Variants in ING5 observed in about 807,000 individuals in gnomAD.
ING5 encodes the protein inhibitor of growth family member 5, also known as inhibitor of growth protein 5.
A neutral mutation model predicts 37.4 loss-of-function variants in ING5; 17 were observed. That is an observed-to-expected ratio of 0.45 (90% CI 0.31 to 0.68). ING5 has a LOEUF of 0.68. ING5 is among the 30% of genes least tolerant of loss of function. The probability of loss-of-function intolerance (pLI) is 0.05; values close to 1 mark genes in which losing one functional copy is unlikely to be tolerated. For missense variants in ING5, 233 were observed against 311.9 expected (o/e 0.75, Z 1.91); for synonymous variants, 123 against 116.6 (o/e 1.06, Z -0.36).
At chr2:241,707,067 C>G (rs1431980544) in intron 2 of ING5, among the ~76,000 whole-genome samples, 1 of 148,174 alleles carries the variant, frequency 6.7e-6, no homozygotes, top group African/African-American at 2.5e-5. Flanking sequence ...TCAAGTGATT[C>G]TCCTGCCTCA....
At chr2:241,706,488 G>T (rs997044189) in intron 2 of ING5, among the ~76,000 whole-genome samples, 23 of 152,004 alleles carry the variant, frequency 1.5e-4, no homozygotes, top group Non-Finnish European at 2.8e-4. Flanking sequence ...AATTAGCCGG[G>T]TGTGGTGGCG....
intron 5 of ING5, among the ~76,000 whole-genome samples, chr2:241,716,746 TG>T (rs1476664691): frequency 6.6e-5 from 10 of 152,188 alleles, no homozygotes; most frequent in African/African-American, 2.4e-4. Context: ...TCACTTTGCC[TG>T]TGATCTGAGC....
intron 2 of ING5, among the ~76,000 whole-genome samples, chr2:241,707,072 G>A (rs181238361): frequency 6.7e-6 from 1 of 149,508 alleles, no homozygotes. Context: ...TGATTCTCCT[G>A]CCTCAGCCTC....
chr2:241,719,972 C>T lies in ING5; in HGVS notation c.483-2967C>T. On this transcript the variant is annotated intron_variant, in intron 5 of 7. Transcript: ENST00000313552. ...TGAATCTCTTTCTTCTCTGTGCCCC[C>T]AAGTGGCAGTGCTGCTCCTGTCCCA... 3.1e-6 allele frequency: 4 copies of T among 1,272,436 alleles called. No homozygotes were observed. The South Asian group carries it at 1.3e-4, about 41-fold the overall frequency. The allele number at this position is 1,272,436 out of a possible 1,614,324, so 78.8% of individuals were successfully genotyped here. A position where few individuals can be genotyped will look rare whatever the true frequency, so the allele number is the denominator to read the frequency against.
chr2:241,697,621 T>C (rs748609002), upstream of ING5, among the ~76,000 whole-genome samples: 14 of 152,018 alleles, frequency 9.2e-5, no homozygotes, highest in Non-Finnish European at 1.5e-4. Flanking sequence ...TACATGACAT[T>C]CTGGAAAAAG....
At chr2:241,714,401 GCTTT>G (rs1381200250) in intron 5 of ING5, among the ~76,000 whole-genome samples, 6 of 152,074 alleles carry the variant, frequency 3.9e-5, no homozygotes, top group African/African-American at 1.4e-4. Context: ...AAGTATTCAG[GCTTT>G]CTATTTCTTC....
upstream of ING5, among the ~76,000 whole-genome samples, chr2:241,699,091 C>G (rs1196812991): frequency 6.7e-6 from 1 of 150,238 alleles, no homozygotes; most frequent in Non-Finnish European, 1.5e-5. Context: ...ATGGCATGAC[C>G]TCAGCTGACT....
At chr2:241,709,684 G>A (rs2070046814) in intron 3 of ING5, among the ~76,000 whole-genome samples, 1 of 151,190 alleles carries the variant, frequency 6.6e-6, no homozygotes, top group South Asian at 2.1e-4. Context: ...TCAGCTCAGT[G>A]CAACCTCCGC....
chr2:241,687,149 G>T, exon 1 of ING5: 1 of 390,914 alleles, frequency 2.6e-6, no homozygotes, highest in Non-Finnish European at 4.5e-6. Context: ...AGGGTCGGAG[G>T]GGCTCCCGGA....
intron 1 of ING5, among the ~76,000 whole-genome samples, chr2:241,689,539 T>C (rs35445107): frequency 0.19 from 28,994 of 152,120 alleles, 2,937 homozygotes; most frequent in African/African-American, 0.27. Flanking sequence ...CCTCCCCTTC[T>C]GCCCCCAGCA....
chr2:241,720,768 G>A lies in ING5; in HGVS notation c.483-2171G>A, dbSNP rs113664325. ...GTGGTGCTGAAGGGAGTCAGCAGCC[G>A]CTGACAGTTGGGGTCACCCTGGCCT... On this transcript the variant is annotated intron_variant, in intron 5 of 7. Transcript: ENST00000313552. 2.9e-3 allele frequency: 2,893 copies of A among 985,520 alleles called. 73 individuals carry two copies. In the African/African-American group the frequency reaches 0.046, roughly 16 times the overall value. The allele number at this position is 985,520 out of a possible 1,614,324, so 61.0% of individuals were successfully genotyped here. A position where few individuals can be genotyped will look rare whatever the true frequency, so the allele number is the denominator to read the frequency against.
At chr2:241,710,470 A>G (rs1438469182) in intron 3 of ING5, among the ~76,000 whole-genome samples, 1 of 149,128 alleles carries the variant, frequency 6.7e-6, no homozygotes, top group East Asian at 2.0e-4. Context: ...CAACAGGCTA[A>G]TTTTTGTTTT....
chr2:241,725,156 G>T lies in ING5; in HGVS notation c.*125G>T. The T allele has an allele frequency of 9.9e-7, 1 of 1,008,066 alleles. No individual in the cohort carries two copies. Among genetic ancestry groups the T allele is most frequent in the South Asian group, 1.4e-5 (1 of 72,434 alleles). The allele number at this position is 1,008,066 out of a possible 1,614,324, so 62.4% of individuals were successfully genotyped here. On this transcript the variant is annotated 3_prime_UTR_variant, in exon 8 of 8. Coordinates refer to ENST00000313552, the MANE Select transcript of ING5 (RefSeq NM_032329.6). The stretch of plus-strand genomic sequence containing the variant: ...CTTAGTAACTCCGTGGCCAGTTGAA[G>T]CGCTGGATGTTTCCTAGAACAAGAA...
exon 1 of ING5, chr2:241,687,583 G>T (rs1216157658): frequency 8.2e-6 from 3 of 364,356 alleles, no homozygotes; most frequent in Non-Finnish European, 1.5e-5. Flanking sequence ...GCTGGAGTGC[G>T]GTGGCGCGAT....
intron 1 of ING5, among the ~76,000 whole-genome samples, chr2:241,702,840 G>A (rs1419541784): frequency 6.6e-6 from 1 of 152,264 alleles, no homozygotes; most frequent in Admixed American, 6.5e-5. Flanking sequence ...ACCCCACGCG[G>A]GACCCCTGAC....
In ING5 at chr2:241,728,165, C is replaced by T. The variant is rs1031063195; in HGVS notation, c.*3134C>T. 3.3e-5 allele frequency: 5 copies of T among 152,352 alleles called. No homozygotes were observed. The highest frequency in any genetic ancestry group is 1.9e-4 in the East Asian group (1 of 5,210). The allele number at this position is 152,352 out of a possible 1,614,324, so 9.4% of individuals were successfully genotyped here. ...GCTGTCTACCCGTGGGAGAGACACA[C>T]TCAGGAGTGGCCGTTTGGCCAGAAA... On this transcript the variant is annotated 3_prime_UTR_variant, in exon 8 of 8. Transcript: ENST00000313552.
chr2:241,708,160 T>C (rs1559303468), intron 2 of ING5, among the ~76,000 whole-genome samples: 1 of 152,026 alleles, frequency 6.6e-6, no homozygotes, highest in African/African-American at 2.4e-5. Flanking sequence ...CCTCCCAAAG[T>C]GCTGGGATCA....
At chr2:241,693,209 C>T (rs923532168) in intron 2 of ING5, among the ~76,000 whole-genome samples, 20 of 148,958 alleles carry the variant, frequency 1.3e-4, no homozygotes, top group East Asian at 4.0e-4. Context: ...CAGCTGAGAT[C>T]GCCCTATTGC....
intron 5 of ING5, chr2:241,720,760 C>G: frequency 1.0e-6 from 1 of 985,496 alleles, no homozygotes; most frequent in Non-Finnish European, 1.2e-6. Flanking sequence ...TGAAGGGAGT[C>G]AGCAGCCGCT....
Sources: gnomAD v4.1 joint callset for allele counts (sites outside exome capture counted in the v4.1 genomes callset) on GRCh38, gnomAD v4.1.1 for gene constraint, MANE v1.5 for transcripts, NCBI Gene and HGNC (gene_info 2026-07-23, HGNC 2026-07-21) for gene names.